The following POU3F3 variants were observed in gnomAD, a reference collection of about 807,000 sequenced individuals.
POU3F3 encodes POU domain, class 3, transcription factor 3.
In POU3F3, 1 loss-of-function variant was observed where a neutral mutation model predicts 8.6. That is an observed-to-expected ratio of 0.12 (90% CI 0.04 to 0.55). POU3F3 has a LOEUF of 0.55. Ranked by LOEUF, POU3F3 falls within the 20% of genes least tolerant of loss-of-function variation. The probability of loss-of-function intolerance (pLI) is 0.91; values close to 1 mark genes in which losing one functional copy is unlikely to be tolerated. For missense variants in POU3F3, 577 were observed against 690.7 expected (o/e 0.84, Z 1.84); for synonymous variants, 418 against 327.4 (o/e 1.28, Z -2.99).
At chr2:104,896,754 C>T in the POU3F3 span, among the ~76,000 whole-genome samples, 1 of 152,342 alleles carries the variant, frequency 6.6e-6, no homozygotes, top group South Asian at 2.1e-4. Context: ...GAGTGCTGAC[C>T]CCTGTGCCCC....
At chr2:104,904,241 C>T in the POU3F3 span, among the ~76,000 whole-genome samples, 2 of 152,184 alleles carry the variant, frequency 1.3e-5, no homozygotes, top group Non-Finnish European at 2.9e-5. Flanking sequence ...GGGTCAACTA[C>T]TTAGAGCTAA....
downstream of POU3F3, chr2:104,858,601 G>C (rs1433689488): frequency 1.3e-5 from 2 of 152,152 alleles, no homozygotes. Flanking sequence ...CGTAAACACT[G>C]TGTGGGAAGA....
chr2:104,875,576 AT>A, the POU3F3 span, among the ~76,000 whole-genome samples: 17 of 150,216 alleles, frequency 1.1e-4, no homozygotes, highest in African/African-American at 2.2e-4. Flanking sequence ...GTTTTGAAAC[AT>A]TTTTTTTTTA....
chr2:104,894,437 C>T, the POU3F3 span, among the ~76,000 whole-genome samples: 1 of 152,188 alleles, frequency 6.6e-6, no homozygotes, highest in Non-Finnish European at 1.5e-5. Context: ...ATGGTGAGTT[C>T]TGGTGGGTTC....
chr2:104,863,528 G>C (rs1370724559), downstream of POU3F3, among the ~76,000 whole-genome samples: 1 of 152,118 alleles, frequency 6.6e-6, no homozygotes. Context: ...CGCTGCTGAC[G>C]GTGGAGTTCA....
the POU3F3 span, among the ~76,000 whole-genome samples, chr2:104,927,746 CAAAAAAAAAAAA>C: frequency 1.3e-5 from 1 of 79,460 alleles, no homozygotes; most frequent in Non-Finnish European, 2.4e-5. Flanking sequence ...GACCTTGTCT[CAAAAAAAAAAAA>C]AAAAAAAAAA....
chr2:104,898,429 TAA>T, the POU3F3 span, among the ~76,000 whole-genome samples: 8 of 152,192 alleles, frequency 5.3e-5, no homozygotes, highest in Admixed American at 2.0e-4. Context: ...TAAAATAAAA[TAA>T]GTCTTCAAAC....
chr2:104,897,220 G>T, the POU3F3 span, among the ~76,000 whole-genome samples: 1 of 152,182 alleles, frequency 6.6e-6, no homozygotes, highest in Non-Finnish European at 1.5e-5. Context: ...GCAGCATAAA[G>T]TAAGCTGCCT....
At chr2:104,892,921 C>G in the POU3F3 span, among the ~76,000 whole-genome samples, 7 of 151,954 alleles carry the variant, frequency 4.6e-5, no homozygotes, top group African/African-American at 1.5e-4. Flanking sequence ...GAGGACAGCT[C>G]TCTTTGAGAG....
At chr2:104,903,159 C>A in the POU3F3 span, among the ~76,000 whole-genome samples, 2 of 152,184 alleles carry the variant, frequency 1.3e-5, no homozygotes. Flanking sequence ...ATCTCAACTA[C>A]CTCAACATTT....
At chr2:104,922,638 C>T in the POU3F3 span, among the ~76,000 whole-genome samples, 1 of 152,118 alleles carries the variant, frequency 6.6e-6, no homozygotes, top group African/African-American at 2.4e-5. Context: ...GAAAAGTAAA[C>T]ACAGCCTCAG....
chr2:104,881,879 A>T, the POU3F3 span, among the ~76,000 whole-genome samples: 1 of 152,134 alleles, frequency 6.6e-6, no homozygotes, highest in South Asian at 2.1e-4. Flanking sequence ...TTCTACCGGG[A>T]TATCTGTCAA....
rs1335458387 is a variant in POU3F3 at position 104,855,990 on chromosome 2, G to A, written c.480G>A (p.Ala160=). The A allele has an allele frequency of 4.9e-6, 5 of 1,030,520 alleles. No homozygotes were observed. The highest frequency in any genetic ancestry group is 1.1e-4 in the Admixed American group (2 of 17,880). The allele number at this position is 1,030,520 out of a possible 1,614,324, so 63.8% of individuals were successfully genotyped here. The part of the protein sequence containing the change: ...KGGAGRDDLH[A]GTALHHRGPP... ...GCGCCGGGCGCGACGACCTGCACGC[G>A]GGCACAGCGCTGCACCACCGCGGGC... Residue 160 remains alanine, a synonymous_variant, in exon 1 of 1, where the codon GCG becomes GCA. Transcript: ENST00000361360.
At chr2:104,881,114 A>ATTTCTTTCTTTCTTTCTTTCTTTCTTTC in the POU3F3 span, among the ~76,000 whole-genome samples, 126 of 101,030 alleles carry the variant, frequency 1.2e-3, 1 homozygote, top group East Asian at 4.4e-3. Flanking sequence ...TTCTTTCTTT[A>ATTTCTTTCTTTCTTTCTTTCTTTCTTTC]TTTCTTACTT....
At chr2:104,896,349 C>T in the POU3F3 span, among the ~76,000 whole-genome samples, 307 of 152,282 alleles carry the variant, frequency 2.0e-3, 1 homozygote, top group African/African-American at 6.9e-3. Context: ...ATCCAAAGGA[C>T]GTGGACTTGA....
At chr2:104,900,968 CT>C in the POU3F3 span, among the ~76,000 whole-genome samples, 1 of 152,200 alleles carries the variant, frequency 6.6e-6, no homozygotes, top group Non-Finnish European at 1.5e-5. Context: ...CTGTCTCCCC[CT>C]GGTTGCCTGC....
the POU3F3 span, among the ~76,000 whole-genome samples, chr2:104,864,407 T>C: frequency 6.6e-6 from 1 of 152,224 alleles, no homozygotes; most frequent in Non-Finnish European, 1.5e-5. Context: ...CAAGTCAGCC[T>C]GGACGCTTAA....
the POU3F3 span, chr2:104,872,269 A>C: frequency 2.2e-6 from 1 of 456,554 alleles, no homozygotes; most frequent in South Asian, 1.5e-5. The surrounding 1 kb of genome is among the most constrained non-coding windows in gnomAD (Gnocchi z 4.6). Context: ...TCCATTCCAC[A>C]TACAGACAGG....
chr2:104,889,019 A>G, the POU3F3 span, among the ~76,000 whole-genome samples: 2 of 152,240 alleles, frequency 1.3e-5, no homozygotes, highest in African/African-American at 4.8e-5. Context: ...AAATGTGTTG[A>G]GGCCTTGCTC....
Sources: allele counts gnomAD v4.1 joint callset (sites outside exome capture counted in the v4.1 genomes callset), GRCh38; gene constraint gnomAD v4.1.1; non-coding constraint Gnocchi (gnomAD v3.1); transcripts MANE v1.5; gene names NCBI Gene and HGNC (gene_info 2026-07-23, HGNC 2026-07-21).